MYOM1: variants seen among roughly 807,000 people sequenced by gnomAD.
The protein encoded by MYOM1 is myomesin 1.
In MYOM1, 164 loss-of-function variants were observed where a neutral mutation model predicts 205.3. The observed-to-expected ratio is 0.80, with a 90% confidence interval of 0.70 to 0.91. The LOEUF is 0.91. MYOM1 is among the 40% of genes least tolerant of loss of function. The probability of loss-of-function intolerance (pLI) is 0.00; values close to 1 mark genes in which losing one functional copy is unlikely to be tolerated. For synonymous variants in MYOM1, 772 were observed against 789.4 expected (o/e 0.98, Z 0.37); for missense variants, 2,011 against 2,127.3 (o/e 0.95, Z 1.08).
At chr18:3,234,915 C>G in the MYOM1 span, among the ~76,000 whole-genome samples, 1 of 148,634 alleles carries the variant, frequency 6.7e-6, no homozygotes, top group Non-Finnish European at 1.5e-5. Flanking sequence ...CTGTCATTAT[C>G]TCTTTAAATT....
chr18:3,186,496 A>G (rs1196028815), intron 5 of MYOM1, among the ~76,000 whole-genome samples: 1 of 152,236 alleles, frequency 6.6e-6, no homozygotes, highest in Non-Finnish European at 1.5e-5. Flanking sequence ...TCTATGGCAG[A>G]TATTTGTGAC....
At chr18:3,137,897 G>C (rs12954010) in intron 14 of MYOM1, among the ~76,000 whole-genome samples, 20,405 of 152,122 alleles carry the variant, frequency 0.13, 1,602 homozygotes, top group Middle Eastern at 0.22. Flanking sequence ...TTGCAAAGAT[G>C]TATCAAAATA....
chr18:3,219,685 C>T lies in MYOM1; in HGVS notation c.-29+118G>A, dbSNP rs1010920424. ...TTCACTTTCCTATTTCTCTGTTATTCTGACATCTCTTTGAGAAAACTGCTG... is the reference window on the plus strand; with the variant it reads ...TTCACTTTCCTATTTCTCTGTTATTTTGACATCTCTTTGAGAAAACTGCTG... On this transcript the variant is annotated intron_variant, in intron 1 of 37. Coordinates refer to ENST00000356443, the MANE Select transcript of MYOM1 (RefSeq NM_003803.4). The surrounding 1 kb of genome is among the most constrained non-coding windows in gnomAD (Gnocchi z 4.4). The T allele has an allele frequency of 6.6e-6, 1 of 152,178 alleles. No homozygotes were observed. Among genetic ancestry groups the T allele is most frequent in the Non-Finnish European group, 1.5e-5 (1 of 68,032 alleles). 9.4% of individuals were successfully genotyped at this position (152,178 alleles called of 1,614,324 possible).
At position 3,142,052 on chromosome 18, in the gene MYOM1, G is replaced by A. The variant is rs772659651; in HGVS notation, c.1912C>T (p.Pro638Ser). The change falls in exon 14 of 38, where the codon CCT becomes TCT. Residue 638 changes from proline (P) to serine (S), a missense_variant. Coordinates refer to ENST00000356443, the MANE Select transcript of MYOM1 (RefSeq NM_003803.4). ...TEEEPSEGIVPGPPTDLSVTE... is the reference protein window; with the variant it reads ...TEEEPSEGIVSGPPTDLSVTE... The stretch of plus-strand genomic sequence containing the variant: ...ACAGAGAGGTCTGTCGGGGGGCCAG[G>A]CACAATACCCTCTGAAAAACAACAA... 1 of 1,613,476 alleles carries A rather than the reference G, an allele frequency of 6.2e-7. No individual in the cohort carries two copies. Among genetic ancestry groups the A allele is most frequent in the East Asian group, 2.2e-5 (1 of 44,864 alleles).
chr18:3,127,024 T>A, intron 18 of MYOM1, 127 bp from the exon 19 acceptor site: 2 of 776,482 alleles, frequency 2.6e-6, no homozygotes, highest in Admixed American at 2.7e-5. Context: ...TCGAGGCTGA[T>A]GAACTTGGCA....
intron 21 of MYOM1, among the ~76,000 whole-genome samples, chr18:3,114,053 G>T (rs2079567744): frequency 1.3e-5 from 2 of 152,202 alleles, no homozygotes; most frequent in Non-Finnish European, 2.9e-5. Context: ...TAGGTTAAAT[G>T]TATAGAGCCT....
chr18:3,194,957 T>A (rs984158203), intron 2 of MYOM1, among the ~76,000 whole-genome samples: 1 of 151,104 alleles, frequency 6.6e-6, no homozygotes, highest in Non-Finnish European at 1.5e-5. Flanking sequence ...GTCTAGAGAA[T>A]CTCTAAAGAC....
intron 25 of MYOM1, among the ~76,000 whole-genome samples, chr18:3,099,106 G>A (rs1176957023): frequency 6.6e-6 from 1 of 152,130 alleles, no homozygotes; most frequent in East Asian, 1.9e-4. Flanking sequence ...GGTGTGAACC[G>A]CTGTGCCCAG....
intron 33 of MYOM1, among the ~76,000 whole-genome samples, chr18:3,081,004 C>G (rs1257587623): frequency 2.0e-5 from 3 of 151,906 alleles, no homozygotes; most frequent in Admixed American, 6.6e-5. Context: ...TGGTGGCACA[C>G]GCTTGTAATC....
At chr18:3,178,399 C>A (rs2080681038) in intron 5 of MYOM1, among the ~76,000 whole-genome samples, 1 of 152,224 alleles carries the variant, frequency 6.6e-6, no homozygotes, top group Non-Finnish European at 1.5e-5. Context: ...GGCAGCCTGG[C>A]TGCTGACCCA....
chr18:3,124,000 C>T (rs2079737873), intron 19 of MYOM1, among the ~76,000 whole-genome samples: 1 of 150,932 alleles, frequency 6.6e-6, no homozygotes, highest in Admixed American at 6.6e-5. Flanking sequence ...CCACTCCTGG[C>T]TAATTTTTGT....
chr18:3,070,397 C>T (rs2078945934), intron 37 of MYOM1, among the ~76,000 whole-genome samples: 1 of 152,194 alleles, frequency 6.6e-6, no homozygotes, highest in Non-Finnish European at 1.5e-5. Flanking sequence ...AGCAATCCTC[C>T]TGCCTTGGCC....
At chr18:3,133,776 A>G (rs1175650818) in intron 16 of MYOM1, among the ~76,000 whole-genome samples, 5 of 152,240 alleles carry the variant, frequency 3.3e-5, no homozygotes, top group Non-Finnish European at 5.9e-5. Context: ...GTTTAACATC[A>G]TAAGTGAACC....
At chr18:3,221,130 C>T (rs543584758), upstream of MYOM1, among the ~76,000 whole-genome samples, 19 of 152,278 alleles carry the variant, frequency 1.2e-4, no homozygotes, top group Non-Finnish European at 2.1e-4. Context: ...AAGCAATCCT[C>T]CCACCTCAGC....
rs1182582686 is a variant in MYOM1, at chr18:3,141,830, C to T, written c.2025+109G>A. ...TGATAACAATCTAGTGAGATCAGGA[C>T]ATGCTCCCTCCTCCTCCCTCACTCC... On this transcript the variant is annotated intron_variant, in intron 14 of 37. Transcript: ENST00000356443. 12 of 1,351,762 alleles carry T rather than the reference C, an allele frequency of 8.9e-6. No individual in the cohort carries two copies. The South Asian group carries it at 1.4e-4, about 16-fold the overall frequency. 83.7% of individuals were successfully genotyped at this position (1,351,762 alleles called of 1,614,324 possible).
chr18:3,141,054 A>G (rs1449524728), intron 14 of MYOM1, among the ~76,000 whole-genome samples: 1 of 152,198 alleles, frequency 6.6e-6, no homozygotes, highest in African/African-American at 2.4e-5. Flanking sequence ...CCTCATTTTA[A>G]GCAAATTCTC....
intron 19 of MYOM1, among the ~76,000 whole-genome samples, chr18:3,121,469 G>A (rs969453145): frequency 3.9e-5 from 6 of 152,164 alleles, no homozygotes; most frequent in Admixed American, 1.3e-4. Context: ...GCCAGAAGAT[G>A]GTGCAATTAC....
chr18:3,069,720 A>G (rs2078939292), intron 37 of MYOM1, among the ~76,000 whole-genome samples: 1 of 151,990 alleles, frequency 6.6e-6, no homozygotes, highest in Non-Finnish European at 1.5e-5. Flanking sequence ...GGAAAAAAAA[A>G]TGTGAAAAAG....
Position 3,179,978 on chromosome 18 carries a change from A to G in MYOM1, c.930-3844T>C, listed in dbSNP as rs11081020. 0.029 allele frequency among the ~76,000 whole-genome samples: 4,451 copies of G among 152,106 alleles called. 209 individuals carry two copies. The highest frequency in any genetic ancestry group is 0.1 in the African/African-American group (4,220 of 41,430). On this transcript the variant is annotated intron_variant, in intron 5 of 37. Coordinates refer to ENST00000356443, the MANE Select transcript of MYOM1 (RefSeq NM_003803.4). This position sits in a 1 kb window ranked among gnomAD's most constrained non-coding sequence, Gnocchi z 4.4. ...CGGCTTCGGATCAAAAGTATTGCTC[A>G]TATCTCTATAAAATTTTCATTACAA...
Sources: gnomAD v4.1 joint callset for allele counts (sites outside exome capture counted in the v4.1 genomes callset) on GRCh38, gnomAD v4.1.1 for gene constraint, Gnocchi (gnomAD v3.1) non-coding constraint, MANE v1.5 for transcripts, NCBI Gene and HGNC (gene_info 2026-07-23, HGNC 2026-07-21) for gene names.